The following TUB variants were observed in gnomAD, a reference collection of about 807,000 sequenced individuals.
TUB encodes tubby protein homolog.
In TUB, 33 loss-of-function variants were observed where a neutral mutation model predicts 59.7. The observed-to-expected ratio is 0.55, with a 90% CI of 0.42 to 0.74. TUB has a LOEUF of 0.74. Among genes scored for constraint, TUB ranks in the 30% least tolerant of loss-of-function variants. The probability of loss-of-function intolerance (pLI) is 0.00; values close to 1 mark genes in which losing one functional copy is unlikely to be tolerated. For missense variants in TUB, 659 were observed against 672.0 expected, an observed-to-expected ratio of 0.98 and a Z score of 0.21; for synonymous variants, 293 against 256.4, an observed-to-expected ratio of 1.14 and a Z score of -1.36.
At chr11:8,044,981 C>G (rs1338302922) in intron 2 of TUB, among the ~76,000 whole-genome samples, 1 of 152,204 alleles carries the variant, frequency 6.6e-6, no homozygotes, top group African/African-American at 2.4e-5. Flanking sequence ...GTTTACCTGC[C>G]AGGAACTCTC....
intron 2 of TUB, among the ~76,000 whole-genome samples, chr11:8,056,883 A>G (rs1943028809): frequency 6.6e-6 from 1 of 152,078 alleles, no homozygotes; most frequent in Non-Finnish European, 1.5e-5. Flanking sequence ...AACGAACTAC[A>G]GTATGTAGGC....
At chr11:8,059,802 G>C (rs1943087552) in intron 2 of TUB, among the ~76,000 whole-genome samples, 1 of 152,186 alleles carries the variant, frequency 6.6e-6, no homozygotes, top group Non-Finnish European at 1.5e-5. Flanking sequence ...CAGCAGACAA[G>C]TGACATGCTC....
rs755693112 is a variant in TUB at position 8,097,418 on chromosome 11, G to A, written c.878G>A (p.Gly293Glu). The A allele has an allele frequency of 1.9e-5, 31 of 1,614,080 alleles. No individual in the cohort carries two copies. Among genetic ancestry groups the A allele is most frequent in the Non-Finnish European group, 2.5e-5 (30 of 1,180,032 alleles). ...TTTCTGCACCTGGACCGTGAGGATG[G>A]GAAGAAGGTAAGGTTGGTCTGGGCA... Reference protein sequence around the residue: ...TYFLHLDREDGKKVFLLAGRK... With the variant: ...TYFLHLDREDEKKVFLLAGRK... Residue 293 changes from glycine (G) to glutamate (E), a missense_variant, in exon 7 of 12, where the codon GGG (glycine) becomes GAG (glutamate). Gly to Glu is a moderately conservative substitution (Grantham distance 98). Around this residue, in one of 3 missense-constraint regions of TUB, gnomAD observed 112 missense variants for 156.9 expected, o/e 0.71. Transcript: ENST00000299506.
At chr11:8,082,087 C>T (rs1430677259) in intron 1 of TUB, among the ~76,000 whole-genome samples, 3 of 152,240 alleles carry the variant, frequency 2.0e-5, no homozygotes, top group East Asian at 3.8e-4. Flanking sequence ...CACAAAGACA[C>T]ATGCCTGCAT....
intron 2 of TUB, among the ~76,000 whole-genome samples, chr11:8,047,013 C>A (rs1222467830): frequency 6.6e-6 from 1 of 152,200 alleles, no homozygotes; most frequent in African/African-American, 2.4e-5. Flanking sequence ...GTGCAGCCTG[C>A]AGGCTGCAGG....
intron 1 of TUB, among the ~76,000 whole-genome samples, chr11:8,028,395 A>G (rs531689080): frequency 6.6e-6 from 1 of 152,166 alleles, no homozygotes; most frequent in Non-Finnish European, 1.5e-5. Context: ...TTGTCTTCTC[A>G]CTTTCTTGAT....
intron 10 of TUB, 48 bp from the exon 11 acceptor site, chr11:8,100,778 C>T (rs1944257393): frequency 3.1e-6 from 5 of 1,606,046 alleles, no homozygotes; most frequent in Non-Finnish European, 4.3e-6. Flanking sequence ...CTGGGGTGGT[C>T]ATGGTGCCAA....
Position 8,097,815 on chromosome 11 carries a change from C to G in TUB, c.987C>G (p.Ile329Met). 6.2e-7 allele frequency: 1 copy of G among 1,613,094 alleles called. No individual in the cohort carries two copies. The change falls in exon 8 of 12, where the codon ATC becomes ATG. Residue 329 changes from isoleucine to methionine, a missense_variant. Ile to Met is a conservative substitution (Grantham distance 10). Around this residue, in one of 3 missense-constraint regions of TUB, gnomAD observed 112 missense variants for 156.9 expected, o/e 0.71. Coordinates refer to ENST00000299506, the MANE Select transcript of TUB (RefSeq NM_177972.3). ...TGTCTCGAGGAGGGGACAGCTATAT[C>G]GGGAAACTGCGGTACTAGCATTCCC... is the stretch of plus-strand genomic sequence containing the variant. ...TDLSRGGDSY[I>M]GKLRSNLMGT...
intron 11 of TUB, 120 bp from the exon 12 acceptor site, chr11:8,101,366 C>A: frequency 7.6e-7 from 1 of 1,307,514 alleles, no homozygotes. Flanking sequence ...TGTGATTCCC[C>A]TGGCATCTCT....
intron 2 of TUB, among the ~76,000 whole-genome samples, chr11:8,059,783 G>T (rs1003196115): frequency 1.3e-5 from 2 of 152,220 alleles, no homozygotes; most frequent in East Asian, 1.9e-4. Context: ...GCAGTGGAAA[G>T]AGCCTTGTCA....
intron 2 of TUB, among the ~76,000 whole-genome samples, chr11:8,064,541 G>A (rs1371741991): frequency 6.6e-6 from 1 of 152,186 alleles, no homozygotes; most frequent in Non-Finnish European, 1.5e-5. Flanking sequence ...TGGGGTCTGG[G>A]CCCTCATGTC....
intron 2 of TUB, among the ~76,000 whole-genome samples, chr11:8,063,722 A>G (rs997999292): frequency 1.3e-5 from 2 of 152,206 alleles, no homozygotes; most frequent in African/African-American, 4.8e-5. Context: ...AAGTGGAACT[A>G]CTAGGTTAAA....
chr11:8,089,758 C>T (rs1943735949), intron 2 of TUB, 97 bp downstream of exon 2: 1 of 1,482,338 alleles, frequency 6.7e-7, no homozygotes, highest in Non-Finnish European at 9.4e-7. Context: ...ATGATCCCGT[C>T]TGATTGGGGG....
At chr11:8,088,428 T>C (rs1283693046) in intron 1 of TUB, among the ~76,000 whole-genome samples, 1 of 152,180 alleles carries the variant, frequency 6.6e-6, no homozygotes, top group African/African-American at 2.4e-5. Context: ...CTGTTTCCCC[T>C]TTGCACGCAC....
intron 3 of TUB, 45 bp downstream of exon 3, chr11:8,090,276 G>A (rs1359216808): frequency 6.2e-7 from 1 of 1,600,976 alleles, no homozygotes; most frequent in South Asian, 1.1e-5. Flanking sequence ...GCTTCGGGGA[G>A]CCCGTCACTT....
At chr11:8,100,422 C>T (rs1944223385) in intron 9 of TUB, 81 bp from the exon 10 acceptor site, 1 of 1,086,644 alleles carries the variant, frequency 9.2e-7, no homozygotes, top group Non-Finnish European at 1.4e-6. Context: ...ACTAGCTCTT[C>T]CTCTTTATTC....
rs1590004082 is a variant in TUB, at chr11:8,101,803, A to T, written c.*184A>T. Reference sequence around the variant, plus strand: ...TTTGCCTCTGCTACTGAGGCAGGGGAGTAGTGGAGAGCGGGTGGGTGGGTG... The same window carrying T: ...TTTGCCTCTGCTACTGAGGCAGGGGTGTAGTGGAGAGCGGGTGGGTGGGTG... On this transcript the variant is annotated 3_prime_UTR_variant, in exon 12 of 12. Transcript: ENST00000299506. The T allele has an allele frequency of 9.1e-5, 80 of 874,914 alleles. No homozygotes were observed. The highest frequency in any genetic ancestry group is 1.0e-4 in the Non-Finnish European group (63 of 613,020). The allele number at this position is 874,914 out of a possible 1,614,324, so 54.2% of individuals were successfully genotyped here.
intron 1 of TUB, among the ~76,000 whole-genome samples, chr11:8,024,347 C>T (rs1023445337): frequency 1.4e-4 from 22 of 152,316 alleles, no homozygotes; most frequent in African/African-American, 3.4e-4. Context: ...TCTTCATCTT[C>T]GGCCGGGCCA....
At position 8,091,570 on chromosome 11, in the gene TUB, C is replaced by T. The variant is rs539806921; in HGVS notation, c.253+1339C>T. 3.5e-4 allele frequency among the ~76,000 whole-genome samples: 54 copies of T among 152,312 alleles called. 1 individual carries two copies. Among genetic ancestry groups the T allele is most frequent in the African/African-American group, 1.1e-3 (44 of 41,560 alleles). ...AGAATTTGAACCCAGACCTAACAGA[C>T]GCCAAATGGTCTCTCCTCCATATTA... On this transcript the variant is annotated intron_variant, in intron 3 of 11. Coordinates refer to ENST00000299506, the MANE Select transcript of TUB (RefSeq NM_177972.3).
Sources: allele counts gnomAD v4.1 joint callset (sites outside exome capture counted in the v4.1 genomes callset), GRCh38; gene constraint gnomAD v4.1.1; regional missense constraint gnomAD v4.1.1; transcripts MANE v1.5; gene names NCBI Gene and HGNC (gene_info 2026-07-23, HGNC 2026-07-21).